Variants in MEI4 observed in about 807,000 individuals in gnomAD.
MEI4 encodes the protein meiosis-specific protein MEI4.
In MEI4, 27 loss-of-function variants were observed where a neutral mutation model predicts 31.4. That is an observed-to-expected ratio of 0.86 (90% confidence interval 0.63 to 1.19). MEI4 has a LOEUF of 1.19. Among genes scored for constraint, MEI4 ranks in the 50% most tolerant of loss-of-function variants. The pLI, the probability that MEI4 is intolerant of heterozygous loss-of-function variation, is 0.00. For synonymous variants in MEI4, 122 were observed against 145.4 expected, an observed-to-expected ratio of 0.84 and a Z score of 1.16; for missense variants, 329 against 398.9, an observed-to-expected ratio of 0.82 and a Z score of 1.49.
At chr6:77,757,940 A>G (rs1031068487) in intron 2 of MEI4, among the ~76,000 whole-genome samples, 5 of 151,908 alleles carry the variant, frequency 3.3e-5, no homozygotes, top group Admixed American at 2.6e-4. Context: ...GGTGGATCAC[A>G]GGGTCAAGAG....
At chr6:77,890,732 A>G (rs1771744987) in intron 4 of MEI4, among the ~76,000 whole-genome samples, 1 of 152,116 alleles carries the variant, frequency 6.6e-6, no homozygotes, top group African/African-American at 2.4e-5. Context: ...CACAATTCCC[A>G]CATGTTGTGG....
chr6:77,666,976 A>G (rs1768651151), intron 1 of MEI4, among the ~76,000 whole-genome samples: 1 of 152,130 alleles, frequency 6.6e-6, no homozygotes, highest in East Asian at 1.9e-4. Context: ...AGTTCAGGGA[A>G]GTGCATTCCT....
chr6:77,708,217 G>T (rs1201651275), intron 2 of MEI4, among the ~76,000 whole-genome samples: 1 of 152,202 alleles, frequency 6.6e-6, no homozygotes, highest in Non-Finnish European at 1.5e-5. Context: ...AAGGCTTTGG[G>T]AGCCCACCCC....
At chr6:77,731,909 G>C (rs1458855984) in intron 2 of MEI4, among the ~76,000 whole-genome samples, 1 of 151,478 alleles carries the variant, frequency 6.6e-6, no homozygotes, top group Non-Finnish European at 1.5e-5. Context: ...GCTTGTTTTT[G>C]TCAGGTTTGT....
intron 3 of MEI4, among the ~76,000 whole-genome samples, chr6:77,777,551 T>TAATAAG (rs1582131538): frequency 6.6e-6 from 1 of 152,276 alleles, no homozygotes; most frequent in East Asian, 1.9e-4. Flanking sequence ...AAGATATGAA[T>TAATAAG]GTATTGCTAT....
At chr6:77,656,144 TGTGC>T (rs1768390451) in intron 1 of MEI4, among the ~76,000 whole-genome samples, 1 of 152,144 alleles carries the variant, frequency 6.6e-6, no homozygotes, top group Non-Finnish European at 1.5e-5. Context: ...GTATTTAACA[TGTGC>T]TTTAGATTAA....
intron 4 of MEI4, among the ~76,000 whole-genome samples, chr6:77,830,342 G>A (rs34990853): frequency 0.14 from 21,523 of 151,980 alleles, 1,801 homozygotes; most frequent in East Asian, 0.4. Flanking sequence ...TTTGGAGGAT[G>A]TCAGTAAGTG....
At chr6:77,888,494 A>T (rs4348276) in intron 4 of MEI4, among the ~76,000 whole-genome samples, 126,502 of 152,090 alleles carry the variant, frequency 0.83, 53,240 homozygotes, top group African/African-American at 0.96. Context: ...TGCTTCCAGA[A>T]GCAGGACTGC....
chr6:77,792,418 C>T (rs996578712), intron 3 of MEI4, among the ~76,000 whole-genome samples: 16 of 152,176 alleles, frequency 1.1e-4, no homozygotes, highest in Admixed American at 2.0e-4. Flanking sequence ...TTTACACTCA[C>T]ACCAGCAGTG....
At chr6:77,652,682 C>G (rs1475754715), upstream of MEI4, among the ~76,000 whole-genome samples, 1 of 152,130 alleles carries the variant, frequency 6.6e-6, no homozygotes, top group Non-Finnish European at 1.5e-5. Flanking sequence ...ATCATAGCTT[C>G]CTTATGTGCC....
intron 4 of MEI4, among the ~76,000 whole-genome samples, chr6:77,863,008 G>C (rs9343681): frequency 6.6e-6 from 1 of 152,116 alleles, no homozygotes; most frequent in Non-Finnish European, 1.5e-5. Context: ...ACCTGCAGCT[G>C]AAGGTCTTGA....
At chr6:77,764,109 G>A (rs1213950516) in intron 3 of MEI4, among the ~76,000 whole-genome samples, 3 of 152,074 alleles carry the variant, frequency 2.0e-5, no homozygotes, top group Non-Finnish European at 2.9e-5. Flanking sequence ...ACCACACCCG[G>A]CCTGTTGGGA....
intron 1 of MEI4, among the ~76,000 whole-genome samples, chr6:77,663,541 G>A (rs1450609530): frequency 2.0e-5 from 3 of 152,122 alleles, no homozygotes; most frequent in Non-Finnish European, 4.4e-5. Context: ...AAGGGAACTG[G>A]GCAGGTGGGG....
intron 2 of MEI4, among the ~76,000 whole-genome samples, chr6:77,727,946 ACTCT>A (rs1329557248): frequency 6.6e-6 from 1 of 152,048 alleles, no homozygotes; most frequent in East Asian, 1.9e-4. Flanking sequence ...AACATGCTTG[ACTCT>A]CTATCAGACT....
rs1391069857 is a variant in MEI4 at position 77,916,431 on chromosome 6, T to C, written c.901-6658T>C. On this transcript the variant is annotated intron_variant, in intron 4 of 4. Transcript: ENST00000684080. ...TAGATGACTTTTTCCTAAAGATAATTCCATTATTTTGGTTATATTAGGCAC... is the reference window on the plus strand; with the variant it reads ...TAGATGACTTTTTCCTAAAGATAATCCCATTATTTTGGTTATATTAGGCAC... 5.9e-5 allele frequency among the ~76,000 whole-genome samples: 9 copies of C among 152,174 alleles called. No homozygotes were observed. In the East Asian group the frequency reaches 1.7e-3, roughly 29 times the overall value.
intron 2 of MEI4, among the ~76,000 whole-genome samples, chr6:77,730,763 G>C (rs958590417): frequency 6.7e-6 from 1 of 149,584 alleles, no homozygotes; most frequent in Non-Finnish European, 1.5e-5. Flanking sequence ...ATCTCCCAGT[G>C]CTATCCCTCG....
intron 3 of MEI4, among the ~76,000 whole-genome samples, chr6:77,795,199 AG>A (rs1241456071): frequency 6.6e-6 from 1 of 152,210 alleles, no homozygotes; most frequent in Non-Finnish European, 1.5e-5. Context: ...AGCATAATGA[AG>A]GAAATAATAA....
intron 4 of MEI4, among the ~76,000 whole-genome samples, chr6:77,887,454 A>T (rs1248608836): frequency 3.3e-5 from 5 of 151,288 alleles, no homozygotes; most frequent in Non-Finnish European, 7.4e-5. Context: ...CGCCCACCAC[A>T]CCCGGCTAAT....
intron 3 of MEI4, among the ~76,000 whole-genome samples, chr6:77,799,824 G>T (rs1769196144): frequency 6.6e-6 from 1 of 152,086 alleles, no homozygotes; most frequent in South Asian, 2.1e-4. Flanking sequence ...TGTTATTTCT[G>T]AGGGCTCTGT....
Sources: allele counts gnomAD v4.1 joint callset (sites outside exome capture counted in the v4.1 genomes callset), GRCh38; gene constraint gnomAD v4.1.1; transcripts MANE v1.5; gene names NCBI Gene and HGNC (gene_info 2026-07-23, HGNC 2026-07-21).